SYNDIG1: variants seen among roughly 807,000 people sequenced by gnomAD.
The protein encoded by SYNDIG1 is synapse differentiation-inducing gene protein 1.
In SYNDIG1, 9 loss-of-function variants were observed where a neutral mutation model predicts 19.4. The ratio of observed to expected loss-of-function variants is 0.46; its 90% CI spans 0.28 to 0.81. The LOEUF is 0.81. SYNDIG1 is among the 30% of genes least tolerant of loss of function. SYNDIG1 has a pLI of 0.12. For synonymous variants in SYNDIG1, 141 were observed against 145.9 expected (o/e 0.97, Z 0.24); for missense variants, 311 against 343.3 (o/e 0.91, Z 0.74).
intron 1 of SYNDIG1, among the ~76,000 whole-genome samples, chr20:24,484,886 G>A (rs1046941813): frequency 2.6e-5 from 4 of 152,176 alleles, no homozygotes; most frequent in Admixed American, 2.6e-4. Context: ...TTTGGAGGTG[G>A]GGCCTAGTGG....
rs116070852 is a variant in SYNDIG1, at chr20:24,638,297, A to G, written c.619-27049A>G. Among the ~76,000 whole-genome samples, 890 of 152,308 alleles carry G rather than the reference A, an allele frequency of 5.8e-3. 10 individuals are homozygous for G. The highest frequency in any genetic ancestry group is 0.021 in the African/African-American group (853 of 41,552). On this transcript the variant is annotated intron_variant, in intron 3 of 3. Coordinates refer to ENST00000376862, the MANE Select transcript of SYNDIG1 (RefSeq NM_024893.3). ...GGGAATATAACTGACAAGTTTGCAT[A>G]TATATATTAAGAACAGCAATGTGGT...
intron 1 of SYNDIG1, among the ~76,000 whole-genome samples, chr20:24,500,134 G>A (rs893532666): frequency 6.6e-6 from 1 of 151,780 alleles, no homozygotes; most frequent in Non-Finnish European, 1.5e-5. Context: ...CGTCTGTGTC[G>A]ACAAAAGCAC....
At chr20:24,496,777 A>G (rs1250108415) in intron 1 of SYNDIG1, among the ~76,000 whole-genome samples, 1 of 152,212 alleles carries the variant, frequency 6.6e-6, no homozygotes, top group Admixed American at 6.5e-5. Flanking sequence ...ATCCCCTGAC[A>G]CAATATACCC....
intron 1 of SYNDIG1, among the ~76,000 whole-genome samples, chr20:24,515,851 A>G (rs573801865): frequency 1.2e-4 from 19 of 152,338 alleles, no homozygotes; most frequent in South Asian, 4.1e-4. Context: ...TAAACTTCAT[A>G]TGGAACCAAA....
chr20:24,641,366 T>C (rs958374289), intron 3 of SYNDIG1, among the ~76,000 whole-genome samples: 2 of 152,084 alleles, frequency 1.3e-5, no homozygotes, highest in Admixed American at 1.3e-4. Flanking sequence ...ACCAAAGTGG[T>C]GAGTATATGA....
chr20:24,496,406 C>G (rs1796180622), intron 1 of SYNDIG1, among the ~76,000 whole-genome samples: 1 of 152,128 alleles, frequency 6.6e-6, no homozygotes, highest in African/African-American at 2.4e-5. Context: ...AATGAGATGT[C>G]TTGTAGCTCT....
chr20:24,599,770 G>A (rs1421778341), intron 3 of SYNDIG1, among the ~76,000 whole-genome samples: 2 of 152,204 alleles, frequency 1.3e-5, no homozygotes, highest in Admixed American at 6.5e-5. Flanking sequence ...ACACATGAGA[G>A]CTAAAAAGTC....
intron 1 of SYNDIG1, among the ~76,000 whole-genome samples, chr20:24,500,502 C>G (rs1195694984): frequency 1.4e-5 from 2 of 142,714 alleles, no homozygotes; most frequent in Non-Finnish European, 3.0e-5. Flanking sequence ...TTCTTTCTTT[C>G]TTTCTTTCTT....
chr20:24,571,603 A>C (rs960194124), intron 2 of SYNDIG1, among the ~76,000 whole-genome samples: 4 of 152,226 alleles, frequency 2.6e-5, no homozygotes, highest in African/African-American at 9.6e-5. Context: ...TGTAGTCTTC[A>C]AACTGTAACT....
intron 1 of SYNDIG1, chr20:24,491,396 G>A (rs1212270644): frequency 6.6e-6 from 1 of 152,300 alleles, no homozygotes; most frequent in Non-Finnish European, 1.5e-5. Context: ...CTTGCCGTAG[G>A]TTGACAGGTG....
At chr20:24,478,160 G>A (rs1013973209) in intron 1 of SYNDIG1, among the ~76,000 whole-genome samples, 1 of 152,256 alleles carries the variant, frequency 6.6e-6, no homozygotes, top group Non-Finnish European at 1.5e-5. Context: ...GCTCAAACCC[G>A]AAGGGTCAGA....
chr20:24,522,556 C>A (rs189689956), intron 1 of SYNDIG1, among the ~76,000 whole-genome samples: 1 of 152,274 alleles, frequency 6.6e-6, no homozygotes, highest in East Asian at 1.9e-4. Context: ...ATTTTGAGTC[C>A]TTCCCTTGGT....
chr20:24,606,675 G>A lies in SYNDIG1; in HGVS notation c.618+21682G>A, dbSNP rs760374265. Among the ~76,000 whole-genome samples, 27 of 152,302 alleles carry A rather than the reference G, an allele frequency of 1.8e-4. 1 individual carries two copies. The highest frequency in any genetic ancestry group is 8.3e-4 in the South Asian group (4 of 4,822). On this transcript the variant is annotated intron_variant, in intron 3 of 3. Coordinates refer to ENST00000376862, the MANE Select transcript of SYNDIG1 (RefSeq NM_024893.3). ...ATGGGTTTTCTGGAAGTAGAGATCC[G>A]GAGTTTAGATTCTGTGCTACAGGTG...
chr20:24,578,036 C>T (rs1306328948), intron 2 of SYNDIG1, among the ~76,000 whole-genome samples: 3 of 152,228 alleles, frequency 2.0e-5, no homozygotes, highest in Non-Finnish European at 4.4e-5. Flanking sequence ...AGGCGAATCC[C>T]TCATTCATTC....
intron 1 of SYNDIG1, among the ~76,000 whole-genome samples, chr20:24,510,358 C>T (rs2056712579): frequency 6.6e-6 from 1 of 151,022 alleles, no homozygotes; most frequent in Non-Finnish European, 1.5e-5. Context: ...CACCTGAGGT[C>T]AGGAGTTCAA....
chr20:24,665,272 G>C (rs756222685), intron 3 of SYNDIG1, 74 bp from the exon 4 acceptor site: 2 of 1,517,970 alleles, frequency 1.3e-6, no homozygotes, highest in Non-Finnish European at 8.9e-7. Flanking sequence ...ATCAGGAGCC[G>C]TAGATGAGCC....
At chr20:24,641,108 A>G (rs2147338474) in intron 3 of SYNDIG1, among the ~76,000 whole-genome samples, 1 of 152,358 alleles carries the variant, frequency 6.6e-6, no homozygotes, top group East Asian at 1.9e-4. Context: ...ATGAGCACTT[A>G]CTACAATCCA....
intron 2 of SYNDIG1, among the ~76,000 whole-genome samples, chr20:24,579,271 T>TGCTG (rs2058283597): frequency 6.6e-6 from 1 of 152,172 alleles, no homozygotes; most frequent in East Asian, 1.9e-4. Context: ...TCACAAGTGA[T>TGCTG]GGCAAGATGG....
intron 3 of SYNDIG1, among the ~76,000 whole-genome samples, chr20:24,626,141 C>T (rs1181412992): frequency 4.0e-5 from 6 of 151,114 alleles, no homozygotes; most frequent in Non-Finnish European, 5.9e-5. Context: ...CCTCACCTCC[C>T]GGACGGGGCG....
Sources: gnomAD v4.1 joint callset for allele counts (sites outside exome capture counted in the v4.1 genomes callset) on GRCh38, gnomAD v4.1.1 for gene constraint, MANE v1.5 for transcripts, NCBI Gene and HGNC (gene_info 2026-07-23, HGNC 2026-07-21) for gene names.